DNM2: variants seen among roughly 807,000 people sequenced by gnomAD.
DNM2 encodes dynamin 2.
A neutral mutation model predicts 99.0 loss-of-function variants in DNM2; 15 were observed. The observed-to-expected ratio is 0.15, with a 90% CI of 0.10 to 0.23. DNM2 has a LOEUF of 0.23. Ranked by LOEUF, DNM2 falls within the 10% of genes least tolerant of loss-of-function variation. The pLI is 1.00. For synonymous variants in DNM2, 525 were observed against 481.2 expected, an observed-to-expected ratio of 1.09 and a Z score of -1.19; for missense variants, 742 against 1,189.4, an observed-to-expected ratio of 0.62 and a Z score of 5.53.
Position 10,772,591 on chromosome 19 carries a change from C to T in DNM2, c.348C>T (p.Ser116=). The change falls in exon 3 of 21, where the codon TCC becomes TCT. Residue 116 remains serine (S), a synonymous_variant. Transcript: ENST00000389253. The surrounding 1 kb of genome is among the most constrained non-coding windows in gnomAD (Gnocchi z 4.9). ...DRVTGTNKGI[S]PVPINLRVYS... ...TCACGGGGACCAACAAAGGCATCTC[C>T]CCAGTGCCCATCAACCTTCGAGTCT... The T allele has an allele frequency of 6.2e-7, 1 of 1,614,160 alleles. No individual in the cohort carries two copies. The highest frequency in any genetic ancestry group is 1.1e-5 in the South Asian group (1 of 91,086).
At chr19:10,824,330 C>T (rs772389452) in intron 17 of DNM2, 6 of 249,224 alleles carry the variant, frequency 2.4e-5, no homozygotes, top group Non-Finnish European at 4.8e-5. Flanking sequence ...GGTGAAACCC[C>T]GTCTCTACTA....
In DNM2 at chr19:10,829,200, C is replaced by T. The variant is rs1417413636; in HGVS notation, c.2223C>T (p.Thr741=). ...TCAACATCATCGGTGACATCAGCAC[C>T]AGCACTGTGTCCACGCCTGTACCCC... ...EALNIIGDIS[T]STVSTPVPPP... The change falls in exon 19 of 21, where the codon ACC becomes ACT. Residue 741 remains threonine (T), a synonymous_variant. Coordinates refer to ENST00000389253, the MANE Select transcript of DNM2 (RefSeq NM_001005361.3). 1.2e-6 allele frequency: 2 copies of T among 1,613,884 alleles called. No homozygotes were observed. The highest frequency in any genetic ancestry group is 2.7e-5 in the African/African-American group (2 of 74,922).
At chr19:10,734,058 CTAT>C (rs1471651057) in intron 1 of DNM2, among the ~76,000 whole-genome samples, 3 of 151,222 alleles carry the variant, frequency 2.0e-5, no homozygotes, top group African/African-American at 7.3e-5. Flanking sequence ...TGGTATACTA[CTAT>C]TAAGTGAGGC....
intron 12 of DNM2, 35 bp from the exon 13 acceptor site, chr19:10,805,881 T>C (rs1383584401): frequency 1.9e-6 from 3 of 1,614,000 alleles, no homozygotes; most frequent in Non-Finnish European, 2.5e-6. Flanking sequence ...CCCGGCATCT[T>C]GTCCACGTGA....
chr19:10,732,493 G>C (rs182677627), intron 1 of DNM2, among the ~76,000 whole-genome samples: 4,701 of 151,662 alleles, frequency 0.031, 81 homozygotes, highest in South Asian at 0.095. Context: ...CCAGCTACTC[G>C]GGAGGCTGAG....
At chr19:10,779,502 C>CTTTCTTTTTTTTTTTTTTTTTTTTT (rs1290878626) in intron 5 of DNM2, among the ~76,000 whole-genome samples, 3 of 29,604 alleles carry the variant, frequency 1.0e-4, no homozygotes, top group Non-Finnish European at 1.7e-4. Context: ...TTCTTTCTTT[C>CTTTCTTTTTTTTTTTTTTTTTTTTT]TTTTTTTTTT....
intron 18 of DNM2, among the ~76,000 whole-genome samples, chr19:10,828,143 G>T (rs958828049): frequency 1.3e-5 from 2 of 152,024 alleles, no homozygotes; most frequent in Non-Finnish European, 2.9e-5. Context: ...ACAAAAATTA[G>T]CCGGGGGTTG....
chr19:10,796,284 G>GCC lies in DNM2; in HGVS notation c.1196+849_1196+850dup. 6.3e-7 allele frequency: 1 copy of GCC among 1,592,596 alleles called. No individual in the cohort carries two copies. The highest frequency in any genetic ancestry group is 1.7e-5 in the Admixed American group (1 of 59,910). ...GTATCAGGCTCCCAGCGCCTCATTG[G>GCC]CCCCCACTGGTGCCTTTTCTCCCCA... On this transcript the variant is annotated intron_variant, in intron 9 of 20. Coordinates refer to ENST00000389253, the MANE Select transcript of DNM2 (RefSeq NM_001005361.3). The surrounding 1 kb of genome is among the most constrained non-coding windows in gnomAD (Gnocchi z 5.6).
intron 15 of DNM2, among the ~76,000 whole-genome samples, chr19:10,819,499 C>T (rs368970315): frequency 7.2e-5 from 11 of 152,314 alleles, no homozygotes; most frequent in East Asian, 3.9e-4. Context: ...TTGTGTTGTG[C>T]GTGCCGTCAG....
chr19:10,739,308 T>C (rs2069651495), intron 1 of DNM2, among the ~76,000 whole-genome samples: 1 of 152,258 alleles, frequency 6.6e-6, no homozygotes, highest in African/African-American at 2.4e-5. Flanking sequence ...CCTAATCCTT[T>C]TGAAATATAC....
chr19:10,783,483 A>C (rs2071443739), intron 6 of DNM2, among the ~76,000 whole-genome samples: 2 of 150,552 alleles, frequency 1.3e-5, no homozygotes, highest in Admixed American at 1.3e-4. Context: ...TTAAATAACT[A>C]AATAAAAGAA....
intron 16 of DNM2, among the ~76,000 whole-genome samples, chr19:10,821,848 C>T (rs2072981562): frequency 6.6e-6 from 1 of 152,062 alleles, no homozygotes; most frequent in Admixed American, 6.6e-5. Context: ...CCGACTTCTA[C>T]TTCTTTGTCC....
chr19:10,824,025 A>T (rs2073067026), intron 17 of DNM2, 126 bp downstream of exon 17: 1 of 863,976 alleles, frequency 1.2e-6, no homozygotes, highest in Admixed American at 2.3e-5. Flanking sequence ...CATGTAGCAG[A>T]TGCCCACTTG....
chr19:10,800,525 G>C (rs2072098530), intron 11 of DNM2, among the ~76,000 whole-genome samples: 1 of 152,226 alleles, frequency 6.6e-6, no homozygotes, highest in African/African-American at 2.4e-5. Context: ...AGAGCGCTGG[G>C]TTGAGGAGAC....
At chr19:10,762,908 G>A (rs939805108) in intron 2 of DNM2, among the ~76,000 whole-genome samples, 2 of 152,312 alleles carry the variant, frequency 1.3e-5, no homozygotes, top group East Asian at 3.9e-4. Flanking sequence ...GGGGATGGGT[G>A]TGGCAGCTGT....
Position 10,792,459 on chromosome 19 carries a change from A to G in DNM2, c.993-1261A>G, listed in dbSNP as rs138536085. On this transcript the variant is annotated intron_variant, in intron 7 of 20. Transcript: ENST00000389253. ...GGAAAACTAAAACGTGAACAAGATC[A>G]TCCTACTTTTTTACTATTCACGATG... is the stretch of plus-strand genomic sequence containing the variant. Among the ~76,000 whole-genome samples, 13 of 152,332 alleles carry G rather than the reference A, an allele frequency of 8.5e-5. No homozygotes were observed. The East Asian group carries it at 2.5e-3, about 29-fold the overall frequency.
intron 11 of DNM2, among the ~76,000 whole-genome samples, chr19:10,801,529 G>C (rs1393402360): frequency 6.6e-6 from 1 of 151,318 alleles, no homozygotes; most frequent in Non-Finnish European, 1.5e-5. Context: ...TGAGGCAGGG[G>C]GTTGCTTGAG....
intron 11 of DNM2, among the ~76,000 whole-genome samples, chr19:10,799,366 C>T (rs1369213204): frequency 6.6e-6 from 1 of 152,122 alleles, no homozygotes; most frequent in Non-Finnish European, 1.5e-5. Context: ...TCTTCCCTCC[C>T]TCCCTCCCCT....
At chr19:10,794,249 G>A (rs1184093801) in intron 8 of DNM2, among the ~76,000 whole-genome samples, 2 of 152,060 alleles carry the variant, frequency 1.3e-5, no homozygotes, top group Non-Finnish European at 2.9e-5. Context: ...GTATGAAACT[G>A]AACATGGATG....
Sources: allele counts gnomAD v4.1 joint callset (sites outside exome capture counted in the v4.1 genomes callset), GRCh38; gene constraint gnomAD v4.1.1; non-coding constraint Gnocchi (gnomAD v3.1); transcripts MANE v1.5; gene names NCBI Gene and HGNC (gene_info 2026-07-23, HGNC 2026-07-21).